ARHGAP21: variants seen among roughly 807,000 people sequenced by gnomAD.
ARHGAP21 encodes rho GTPase-activating protein 21.
Under a neutral mutation model 164.6 loss-of-function variants are expected in ARHGAP21, and 38 were observed. That is an observed-to-expected ratio of 0.23 (90% CI 0.18 to 0.30). The LOEUF is 0.30. Ranked by LOEUF, ARHGAP21 falls within the 10% of genes least tolerant of loss-of-function variation. The pLI is 1.00. For missense variants in ARHGAP21, 1,822 were observed against 2,370.7 expected, an observed-to-expected ratio of 0.77 and a Z score of 4.81; for synonymous variants, 766 against 857.9, an observed-to-expected ratio of 0.89 and a Z score of 1.87.
chr10:24,620,877 C>T lies in ARHGAP21; in HGVS notation c.1018G>A (p.Glu340Lys). Residue 340 changes from glutamate to lysine, a missense_variant, in exon 9 of 26, where the codon GAA becomes AAA. By Grantham distance (56) the Glu-to-Lys change is moderately conservative. This residue lies in a region of ARHGAP21 where 1,090 missense variants were observed against 1,378.9 expected (regional missense o/e 0.79). Coordinates refer to ENST00000396432, the MANE Select transcript of ARHGAP21 (RefSeq NM_020824.4). ...IHQPAGSRSL[E>K]PSGILLKSGN... Reference sequence around the variant, plus strand: ...GACTTAAGTAAAATTCCAGAAGGTTCCAGTGATCTGGAGCCTGCAGGCTGA... The same window carrying T: ...GACTTAAGTAAAATTCCAGAAGGTTTCAGTGATCTGGAGCCTGCAGGCTGA... 6.2e-7 allele frequency: 1 copy of T among 1,613,892 alleles called. No individual in the cohort carries two copies. Among genetic ancestry groups the T allele is most frequent in the Non-Finnish European group, 8.5e-7 (1 of 1,179,878 alleles).
chr10:24,722,726 T>C (rs1846051597), intron 1 of ARHGAP21: 1 of 151,906 alleles, frequency 6.6e-6, no homozygotes, highest in African/African-American at 2.4e-5. Flanking sequence ...GGGGCCGGCG[T>C]GGGCTCGGCG....
intron 4 of ARHGAP21, among the ~76,000 whole-genome samples, chr10:24,662,246 CCTTT>C (rs1384648014): frequency 6.6e-6 from 1 of 151,998 alleles, no homozygotes; most frequent in Non-Finnish European, 1.5e-5. Flanking sequence ...TAAGTCATAC[CCTTT>C]TTTTTAAGAC....
At chr10:24,601,057 C>G (rs2076794002) in intron 13 of ARHGAP21, 127 bp from the exon 14 acceptor site, 2 of 1,074,680 alleles carry the variant, frequency 1.9e-6, no homozygotes, top group Admixed American at 5.3e-5. Context: ...GCAGATTTAG[C>G]TCACTACATT....
chr10:24,676,728 T>G (rs2131844472), intron 2 of ARHGAP21, among the ~76,000 whole-genome samples: 1 of 152,344 alleles, frequency 6.6e-6, no homozygotes, highest in Middle Eastern at 3.4e-3. Context: ...TGGAGTCAGC[T>G]GAATCAGGCA....
chr10:24,648,106 TG>T (rs1164503793), intron 4 of ARHGAP21, among the ~76,000 whole-genome samples: 1 of 152,194 alleles, frequency 6.6e-6, no homozygotes, highest in East Asian at 1.9e-4. Context: ...CCCATAGTGC[TG>T]GGATTACAGG....
At chr10:24,587,618 T>C (rs1317665015) in intron 25 of ARHGAP21, among the ~76,000 whole-genome samples, 1 of 152,210 alleles carries the variant, frequency 6.6e-6, no homozygotes, top group Non-Finnish European at 1.5e-5. Flanking sequence ...TTCCCCACAT[T>C]GTGCTGAAGA....
chr10:24,625,679 C>A (rs1835072960), intron 7 of ARHGAP21, among the ~76,000 whole-genome samples: 1 of 152,130 alleles, frequency 6.6e-6, no homozygotes, highest in African/African-American at 2.4e-5. Flanking sequence ...TAGGCCGGAC[C>A]ACCTACATGT....
At chr10:24,695,606 G>A (rs1843112196) in intron 2 of ARHGAP21, among the ~76,000 whole-genome samples, 1 of 151,980 alleles carries the variant, frequency 6.6e-6, no homozygotes, top group Non-Finnish European at 1.5e-5. Context: ...AAATGTGATG[G>A]GATATCACTT....
chr10:24,628,890 T>TAC, intron 7 of ARHGAP21: 1 of 102,544 alleles, frequency 9.8e-6, no homozygotes, highest in African/African-American at 3.6e-5. Flanking sequence ...TACACATATA[T>TAC]ATACATACAT....
chr10:24,700,450 G>A (rs531377332), intron 2 of ARHGAP21, among the ~76,000 whole-genome samples: 16 of 152,212 alleles, frequency 1.1e-4, no homozygotes, highest in Non-Finnish European at 1.0e-4. Context: ...CAAAACCCTC[G>A]GAGTTCTCAG....
intron 4 of ARHGAP21, among the ~76,000 whole-genome samples, chr10:24,646,449 G>A (rs772790988): frequency 1.3e-5 from 2 of 151,986 alleles, no homozygotes; most frequent in Non-Finnish European, 2.9e-5. Context: ...ACCAGCCTAG[G>A]CAACATGGCA....
At chr10:24,685,738 T>C (rs1247359262) in intron 2 of ARHGAP21, among the ~76,000 whole-genome samples, 1 of 152,050 alleles carries the variant, frequency 6.6e-6, no homozygotes, top group Non-Finnish European at 1.5e-5. Context: ...TTGTCAGGCA[T>C]GGTGGCAGAC....
chr10:24,675,261 T>C (rs1841101832), intron 2 of ARHGAP21, among the ~76,000 whole-genome samples: 1 of 152,178 alleles, frequency 6.6e-6, no homozygotes, highest in Non-Finnish European at 1.5e-5. Context: ...ACTATTGATA[T>C]ATGTAGCAAT....
Position 24,704,289 on chromosome 10 carries a change from CTTTTTTT to C in ARHGAP21, c.63+17541_63+17547del, listed in dbSNP as rs201080039. On this transcript the variant is annotated intron_variant, in intron 2 of 25. Coordinates refer to ENST00000396432, the MANE Select transcript of ARHGAP21 (RefSeq NM_020824.4). The stretch of plus-strand genomic sequence containing the variant: ...TGCTAAGTTCTACATTTTTTCTTTT[CTTTTTTT>C]TTTTTTTTTTTTGAGACAGGGTCTC... 1.8e-3 allele frequency among the ~76,000 whole-genome samples: 224 copies of C among 125,976 alleles called. 6 individuals are homozygous for C. The East Asian group carries it at 0.042, about 24-fold the overall frequency. 82.6% of individuals were successfully genotyped at this position (125,976 alleles called of 152,430 possible).
At chr10:24,633,564 C>A in intron 5 of ARHGAP21, 84 bp from the exon 6 acceptor site, 1 of 834,146 alleles carries the variant, frequency 1.2e-6, no homozygotes, top group Non-Finnish European at 1.9e-6. Flanking sequence ...TGAATAATGT[C>A]CTTATTTTTA....
intron 9 of ARHGAP21, among the ~76,000 whole-genome samples, chr10:24,615,025 C>T (rs1381764305): frequency 6.6e-6 from 1 of 151,538 alleles, no homozygotes; most frequent in African/African-American, 2.4e-5. Flanking sequence ...CCCGTTTCTA[C>T]TAAAAATACA....
intron 4 of ARHGAP21, among the ~76,000 whole-genome samples, chr10:24,653,429 A>G (rs534990964): frequency 6.6e-6 from 1 of 152,170 alleles, no homozygotes; most frequent in African/African-American, 2.4e-5. Flanking sequence ...AAAAAAAATT[A>G]GCCAGGCGTG....
At chr10:24,686,083 G>A (rs569006087) in intron 2 of ARHGAP21, among the ~76,000 whole-genome samples, 1 of 152,136 alleles carries the variant, frequency 6.6e-6, no homozygotes, top group South Asian at 2.1e-4. Context: ...TAAGAGATAA[G>A]GGCAAAAAGA....
At chr10:24,684,015 G>C (rs926806898) in intron 2 of ARHGAP21, among the ~76,000 whole-genome samples, 2 of 152,214 alleles carry the variant, frequency 1.3e-5, no homozygotes, top group Non-Finnish European at 2.9e-5. Flanking sequence ...GGCCAGGCAT[G>C]GTGGCTCACA....
Sources: gnomAD v4.1 joint callset for allele counts (sites outside exome capture counted in the v4.1 genomes callset) on GRCh38, gnomAD v4.1.1 for gene constraint, gnomAD v4.1.1 regional missense constraint, MANE v1.5 for transcripts, NCBI Gene and HGNC (gene_info 2026-07-23, HGNC 2026-07-21) for gene names.